The following ZNF385C variants were observed in gnomAD, a reference collection of about 807,000 sequenced individuals.
ZNF385C encodes zinc finger protein 385C, also known as CTD-2132N18.2.
Under a neutral mutation model 35.4 loss-of-function variants are expected in ZNF385C, and 28 were observed. The ratio of observed to expected loss-of-function variants is 0.79; its 90% CI spans 0.59 to 1.08. The LOEUF is 1.08. Ranked by LOEUF, ZNF385C falls within the 50% of genes least tolerant of loss-of-function variation. The pLI, the probability that ZNF385C is intolerant of heterozygous loss-of-function variation, is 0.00. For missense variants in ZNF385C, 605 were observed against 595.6 expected, an observed-to-expected ratio of 1.02 and a Z score of -0.16; for synonymous variants, 248 against 248.2, an observed-to-expected ratio of 1.00 and a Z score of 0.01.
At chr17:42,091,787 T>C (rs1481877934) in intron 1 of ZNF385C, among the ~76,000 whole-genome samples, 1 of 152,226 alleles carries the variant, frequency 6.6e-6, no homozygotes, top group Non-Finnish European at 1.5e-5. Context: ...CTCAGGAAGC[T>C]GCTAACTAGG....
intron 1 of ZNF385C, among the ~76,000 whole-genome samples, chr17:42,096,380 C>T (rs1567999137): frequency 6.6e-6 from 1 of 152,206 alleles, no homozygotes; most frequent in Non-Finnish European, 1.5e-5. Flanking sequence ...GTCTCATCCC[C>T]TCGGCCCTGC....
chr17:42,028,540 GGAGTGACCCTTCAGA>G, intron 6 of ZNF385C: 1 of 610,234 alleles, frequency 1.6e-6, no homozygotes, highest in Non-Finnish European at 2.8e-6. Flanking sequence ...TGTCTCCTGT[GGAGTGACCCTTCAGA>G]GATTTAGCGA....
chr17:42,079,635 C>A (rs2053727427), intron 1 of ZNF385C, among the ~76,000 whole-genome samples: 1 of 151,896 alleles, frequency 6.6e-6, no homozygotes, highest in South Asian at 2.1e-4. Context: ...TACTGCACTC[C>A]AGCCTGGGTG....
At chr17:42,046,888 A>C (rs2053172629) in intron 2 of ZNF385C, among the ~76,000 whole-genome samples, 1 of 150,122 alleles carries the variant, frequency 6.7e-6, no homozygotes, top group Non-Finnish European at 1.5e-5. Flanking sequence ...TAATTGAGAC[A>C]GTTTCACTGT....
Position 42,028,910 on chromosome 17 carries a change from A to G in ZNF385C, c.840T>C (p.Pro280=). Residue 280 remains proline (P), a synonymous_variant, in exon 6 of 9, where the codon CCT becomes CCC. Coordinates refer to ENST00000692273, the MANE Select transcript of ZNF385C (RefSeq NM_001392013.1). ...SPEPGREAPG[P]EPAAAAVGSS... The stretch of plus-strand genomic sequence containing the variant: ...TTCCCACGGCAGCTGCCGCTGGCTC[A>G]GGCCCCGGTGCCTCTCTCCCAGGCT... 2.6e-6 allele frequency: 4 copies of G among 1,550,562 alleles called. No individual in the cohort carries two copies. The highest frequency in any genetic ancestry group is 3.5e-6 in the Non-Finnish European group (4 of 1,146,998).
rs2052589379 is a variant in ZNF385C, at chr17:42,026,863, T to C, written c.*34A>G. The C allele has an allele frequency of 1.9e-6, 3 of 1,552,270 alleles. No homozygotes were observed. The highest frequency in any genetic ancestry group is 2.6e-6 in the Non-Finnish European group (3 of 1,143,782). On this transcript the variant is annotated 3_prime_UTR_variant, in exon 9 of 9. Transcript: ENST00000692273. The stretch of plus-strand genomic sequence containing the variant: ...AGGACAGGAGGAGACAAGGAGTGGC[T>C]ATTGGGAAATCAGCTCTGGCCTCCC...
intron 2 of ZNF385C, among the ~76,000 whole-genome samples, chr17:42,041,704 G>C (rs1340603131): frequency 6.6e-6 from 1 of 152,090 alleles, no homozygotes; most frequent in Non-Finnish European, 1.5e-5. Flanking sequence ...CTCCCAACCA[G>C]TCACCCTGGG....
intron 1 of ZNF385C, among the ~76,000 whole-genome samples, chr17:42,089,493 AT>A (rs2053842783): frequency 1.3e-5 from 2 of 151,922 alleles, no homozygotes; most frequent in Non-Finnish European, 2.9e-5. Flanking sequence ...CTTCCACCTG[AT>A]TCCTCCCACA....
intron 1 of ZNF385C, among the ~76,000 whole-genome samples, chr17:42,073,440 A>G (rs1598201089): frequency 6.6e-6 from 1 of 152,138 alleles, no homozygotes; most frequent in Non-Finnish European, 1.5e-5. Context: ...GTCTCAAAAA[A>G]AAAAAGGTTG....
intron 1 of ZNF385C, among the ~76,000 whole-genome samples, chr17:42,089,744 T>C (rs2053845541): frequency 6.6e-6 from 1 of 152,198 alleles, no homozygotes; most frequent in Non-Finnish European, 1.5e-5. Context: ...GCCCCCACAC[T>C]GATGGATGCC....
At chr17:42,068,857 G>A (rs2053584435) in intron 1 of ZNF385C, among the ~76,000 whole-genome samples, 1 of 152,204 alleles carries the variant, frequency 6.6e-6, no homozygotes, top group Admixed American at 6.5e-5. Flanking sequence ...TGAACTGATG[G>A]GTGGGGAGGG....
At chr17:42,059,353 A>T (rs1280659834) in intron 2 of ZNF385C, among the ~76,000 whole-genome samples, 2 of 152,228 alleles carry the variant, frequency 1.3e-5, no homozygotes, top group Non-Finnish European at 2.9e-5. Flanking sequence ...TGAGCCCAGC[A>T]CAGGGCTGGA....
chr17:42,052,032 AC>A (rs1555657155), intron 2 of ZNF385C, among the ~76,000 whole-genome samples: 3 of 152,146 alleles, frequency 2.0e-5, no homozygotes. Context: ...AGAATTCTGC[AC>A]CCTGAAAGGG....
At chr17:42,027,557 CTCCCA>C in intron 8 of ZNF385C, 56 bp downstream of exon 8, 5 of 592,572 alleles carry the variant, frequency 8.4e-6, no homozygotes, top group Non-Finnish European at 1.5e-5. Flanking sequence ...CCATCTGGCC[CTCCCA>C]GCCCACCCTC....
At chr17:42,039,947 C>T (rs1185524549) in intron 2 of ZNF385C, 6 of 1,231,066 alleles carry the variant, frequency 4.9e-6, no homozygotes, top group African/African-American at 1.6e-5. Context: ...GCGGCGAAGT[C>T]GGGGAAGAGC....
chr17:42,036,348 A>T (rs1426835997), intron 3 of ZNF385C, among the ~76,000 whole-genome samples: 5 of 151,724 alleles, frequency 3.3e-5, no homozygotes, highest in African/African-American at 9.7e-5. Flanking sequence ...TTAAGGCTTT[A>T]TGTTCCCTTT....
intron 1 of ZNF385C, among the ~76,000 whole-genome samples, chr17:42,067,068 C>G (rs1334962074): frequency 2.0e-5 from 3 of 147,478 alleles, no homozygotes; most frequent in Admixed American, 2.0e-4. Flanking sequence ...GACTCCGTCT[C>G]AGAAAAAAAA....
intron 4 of ZNF385C, 52 bp from the exon 5 acceptor site, chr17:42,031,836 C>G: frequency 6.5e-7 from 1 of 1,533,964 alleles, no homozygotes; most frequent in Non-Finnish European, 8.8e-7. Flanking sequence ...TCCACATGCC[C>G]CATCTGTGAA....
intron 1 of ZNF385C, among the ~76,000 whole-genome samples, chr17:42,072,787 G>A (rs1323199790): frequency 2.0e-5 from 3 of 152,180 alleles, no homozygotes; most frequent in African/African-American, 7.2e-5. Flanking sequence ...CCCCGGGTGG[G>A]AGGAAGAGAG....
Sources: allele counts gnomAD v4.1 joint callset (sites outside exome capture counted in the v4.1 genomes callset), GRCh38; gene constraint gnomAD v4.1.1; transcripts MANE v1.5; gene names NCBI Gene and HGNC (gene_info 2026-07-23, HGNC 2026-07-21).